XDH: variants seen among roughly 807,000 people sequenced by gnomAD.
XDH encodes xanthine dehydrogenase.
A neutral mutation model predicts 156.1 loss-of-function variants in XDH; 138 were observed. The ratio of observed to expected loss-of-function variants is 0.88; its 90% CI spans 0.77 to 1.02. XDH has a LOEUF of 1.02. Ranked by LOEUF, XDH falls within the 50% of genes least tolerant of loss-of-function variation. XDH has a pLI of 0.00. For missense variants in XDH, 1,849 were observed against 1,684.9 expected, an observed-to-expected ratio of 1.10 and a Z score of -1.71; for synonymous variants, 669 against 625.7, an observed-to-expected ratio of 1.07 and a Z score of -1.03.
Position 31,339,429 on chromosome 2 carries a change from C to T in XDH, c.3774+60G>A, listed in dbSNP as rs182888030. 1.2e-3 allele frequency: 1,870 copies of T among 1,610,354 alleles called. 1 individual carries two copies. The highest frequency in any genetic ancestry group is 1.5e-3 in the Non-Finnish European group (1,717 of 1,178,274). On this transcript the variant is annotated intron_variant, in intron 34 of 35. Transcript: ENST00000379416. ...GTGGGTCACTGAGGCCTCTCATCAC[C>T]CGCTGGGGCCTCCCCCAGGGCAGAT...
intron 13 of XDH, among the ~76,000 whole-genome samples, chr2:31,378,119 G>GAAAGAAA (rs1558696689): frequency 5.2e-4 from 19 of 36,538 alleles, no homozygotes; most frequent in African/African-American, 2.0e-3. Context: ...AGGAAGGAAG[G>GAAAGAAA]AAGGAAGGAA....
At chr2:31,385,479 G>A (rs1686563477) in intron 9 of XDH, among the ~76,000 whole-genome samples, 1 of 152,190 alleles carries the variant, frequency 6.6e-6, no homozygotes, top group Non-Finnish European at 1.5e-5. Flanking sequence ...AGAACTCAGG[G>A]CTTGGCAGCT....
intron 12 of XDH, among the ~76,000 whole-genome samples, chr2:31,380,207 C>A (rs1319458065): frequency 6.6e-6 from 1 of 152,126 alleles, no homozygotes; most frequent in Non-Finnish European, 1.5e-5. Flanking sequence ...GGGGGAAAAG[C>A]CCTGGTTTAT....
intron 35 of XDH, among the ~76,000 whole-genome samples, chr2:31,336,448 C>T (rs542199510): frequency 2.6e-5 from 4 of 152,144 alleles, no homozygotes; most frequent in East Asian, 1.9e-4. Flanking sequence ...GCAAAGAGCT[C>T]GCCTTGCAAA....
chr2:31,357,610 A>C (rs1685659626), intron 24 of XDH, among the ~76,000 whole-genome samples: 1 of 151,768 alleles, frequency 6.6e-6, no homozygotes, highest in African/African-American at 2.4e-5. Context: ...TATAGTTAGA[A>C]TGAGTAACAT....
rs1333293344 is a variant in XDH, at chr2:31,403,187, G to A, written c.101-43C>T. 4 of 1,600,868 alleles carry A rather than the reference G, an allele frequency of 2.5e-6. No homozygotes were observed. In the African/African-American group the frequency reaches 5.4e-5, roughly 21 times the overall value. On this transcript the variant is annotated intron_variant, in intron 2 of 35. Transcript: ENST00000379416. ...AAGGAGAATGAACTCAGGGAGAGGA[G>A]TCTGCTGGGTTGCTAGGAAATGCCT...
At chr2:31,402,867 T>C (rs555516298) in intron 3 of XDH, among the ~76,000 whole-genome samples, 181 bp downstream of exon 3, 1 of 152,314 alleles carries the variant, frequency 6.6e-6, no homozygotes, top group African/African-American at 2.4e-5. Flanking sequence ...GTCAATATTA[T>C]AAGCCTAGAA....
In XDH at chr2:31,405,899, C is replaced by T; in HGVS notation, c.100+8G>A. 6.2e-7 allele frequency: 1 copy of T among 1,614,176 alleles called. No individual in the cohort carries two copies. Among genetic ancestry groups the T allele is most frequent in the Middle Eastern group, 1.6e-4 (1 of 6,062 alleles). On this transcript the variant is annotated splice_region_variant and intron_variant, in intron 2 of 35. Transcript: ENST00000379416. ...TTCTCCGTCACTCCCACTCCAAAGT[C>T]AGGATACACTTTCTTCTCAGGTAGG...
chr2:31,340,076 C>T (rs1685085128), intron 33 of XDH, among the ~76,000 whole-genome samples: 1 of 152,262 alleles, frequency 6.6e-6, no homozygotes. Flanking sequence ...ACGCCCACCC[C>T]TGCCTGTCCT....
chr2:31,382,712 T>G (rs1313312732), intron 11 of XDH, among the ~76,000 whole-genome samples: 1 of 152,168 alleles, frequency 6.6e-6, no homozygotes, highest in Non-Finnish European at 1.5e-5. Context: ...GCCTCATCTC[T>G]GCAACCACAG....
intron 24 of XDH, among the ~76,000 whole-genome samples, chr2:31,358,393 T>C (rs528741017): frequency 6.6e-6 from 1 of 152,322 alleles, no homozygotes; most frequent in Non-Finnish European, 1.5e-5. Context: ...AGAAGAGGAA[T>C]TCTAACTCAT....
At chr2:31,350,344 TC>T in intron 24 of XDH, 121 bp from the exon 25 acceptor site, 1 of 709,482 alleles carries the variant, frequency 1.4e-6, no homozygotes, top group Non-Finnish European at 2.4e-6. Context: ...AAGTTATTTC[TC>T]CCCCAGGATA....
At chr2:31,372,517 G>T in intron 16 of XDH, 120 bp from the exon 17 acceptor site, 1 of 1,369,334 alleles carries the variant, frequency 7.3e-7, no homozygotes, top group Non-Finnish European at 1.0e-6. Context: ...TAAGAATAAA[G>T]AATTCAGAGG....
At chr2:31,347,109 C>G (rs1685319096) in intron 29 of XDH, among the ~76,000 whole-genome samples, 1 of 152,158 alleles carries the variant, frequency 6.6e-6, no homozygotes, top group Non-Finnish European at 1.5e-5. Flanking sequence ...TTTGAGGGAT[C>G]CCCAGAGAGG....
At chr2:31,399,777 T>C (rs889822667) in intron 4 of XDH, among the ~76,000 whole-genome samples, 4 of 152,210 alleles carry the variant, frequency 2.6e-5, no homozygotes, top group Non-Finnish European at 5.9e-5. Context: ...TCTGCCACCA[T>C]GTAAGATGTG....
At chr2:31,354,811 A>T (rs2148759944) in intron 24 of XDH, among the ~76,000 whole-genome samples, 1 of 152,314 alleles carries the variant, frequency 6.6e-6, no homozygotes, top group Middle Eastern at 3.4e-3. Context: ...AAGACCTAAC[A>T]CTCATGCCAT....
At chr2:31,389,543 A>T (rs1686705994) in intron 6 of XDH, 1 of 152,218 alleles carries the variant, frequency 6.6e-6, no homozygotes, top group Non-Finnish European at 1.5e-5. Flanking sequence ...AGAAGGAGTG[A>T]TGTAGGGAAA....
At chr2:31,344,082 C>T (rs1685215704) in intron 31 of XDH, among the ~76,000 whole-genome samples, 1 of 152,074 alleles carries the variant, frequency 6.6e-6, no homozygotes, top group Non-Finnish European at 1.5e-5. Context: ...TTTACAGCTG[C>T]TAAGTCAGAT....
chr2:31,397,962 G>T (rs903006112), intron 5 of XDH, among the ~76,000 whole-genome samples: 1 of 152,162 alleles, frequency 6.6e-6, no homozygotes, highest in East Asian at 1.9e-4. Context: ...ACTGAGTCAG[G>T]TACCTCTCCT....
Sources: allele counts gnomAD v4.1 joint callset (sites outside exome capture counted in the v4.1 genomes callset), GRCh38; gene constraint gnomAD v4.1.1; transcripts MANE v1.5; gene names NCBI Gene and HGNC (gene_info 2026-07-23, HGNC 2026-07-21).